Variants in TFDP2 observed in about 807,000 individuals in gnomAD.
TFDP2 encodes transcription factor Dp-2 (E2F dimerization partner 2).
TFDP2 carries 17 observed loss-of-function variants against 59.3 expected under a neutral mutation model. The ratio of observed to expected loss-of-function variants is 0.29; its 90% CI spans 0.20 to 0.43. The LOEUF (loss-of-function observed/expected upper bound fraction) is 0.43. Ranked by LOEUF, TFDP2 falls within the 20% of genes least tolerant of loss-of-function variation. The probability of loss-of-function intolerance (pLI) is 1.00; values close to 1 mark genes in which losing one functional copy is unlikely to be tolerated. For missense variants in TFDP2, 391 were observed against 528.8 expected (o/e 0.74, Z 2.56); for synonymous variants, 180 against 194.7 (o/e 0.92, Z 0.63).
At chr3:142,044,693 C>G (rs918399094) in intron 3 of TFDP2, among the ~76,000 whole-genome samples, 2 of 152,084 alleles carry the variant, frequency 1.3e-5, no homozygotes, top group Admixed American at 6.6e-5. Context: ...TTTTAAAATT[C>G]CAACACAGAA....
At chr3:142,088,704 G>A (rs2060894383) in intron 3 of TFDP2, among the ~76,000 whole-genome samples, 1 of 147,998 alleles carries the variant, frequency 6.8e-6, no homozygotes, top group African/African-American at 2.5e-5. Context: ...TCAAATTCCT[G>A]GACTCAGGAA....
intron 3 of TFDP2, among the ~76,000 whole-genome samples, chr3:142,084,107 A>G (rs927350289): frequency 2.6e-5 from 4 of 152,222 alleles, no homozygotes; most frequent in South Asian, 2.1e-4. Flanking sequence ...TACCCACCTG[A>G]CAAGAGTTTT....
chr3:142,021,061 T>C (rs1945557570), intron 3 of TFDP2, among the ~76,000 whole-genome samples: 1 of 152,192 alleles, frequency 6.6e-6, no homozygotes, highest in Non-Finnish European at 1.5e-5. Context: ...ACCACTGTTA[T>C]GTTTTATTTT....
In TFDP2 at chr3:141,948,609, T is replaced by G. The variant is rs1935528754; in HGVS notation, c.*3904A>C. On this transcript the variant is annotated 3_prime_UTR_variant, in exon 13 of 13. Transcript: ENST00000489671. ...TCTCTCAGTGTGGTTATGGCAGGAA[T>G]AGCTGAGGTAGTTCTCATTCTCTGC... 6.6e-6 allele frequency: 1 copy of G among 151,154 alleles called. No homozygotes were observed. The highest frequency in any genetic ancestry group is 2.4e-5 in the African/African-American group (1 of 41,076). 9.4% of individuals were successfully genotyped at this position (151,154 alleles called of 1,614,324 possible).
chr3:142,071,302 G>A (rs568957957), intron 3 of TFDP2, among the ~76,000 whole-genome samples: 89 of 152,052 alleles, frequency 5.9e-4, no homozygotes, highest in African/African-American at 2.1e-3. Context: ...GATTACAGGC[G>A]CACACCACCG....
chr3:142,139,504 C>T (rs891256613), intron 1 of TFDP2, among the ~76,000 whole-genome samples: 1 of 152,076 alleles, frequency 6.6e-6, no homozygotes, highest in Non-Finnish European at 1.5e-5. Context: ...GTGGCTGGTA[C>T]CGATTGTTCC....
intron 3 of TFDP2, among the ~76,000 whole-genome samples, chr3:142,083,098 T>C (rs1283144025): frequency 6.6e-6 from 1 of 152,156 alleles, no homozygotes; most frequent in South Asian, 2.1e-4. Flanking sequence ...TTGCAGATAA[T>C]ATATTACATT....
rs181180151 is a variant in TFDP2, at chr3:142,018,055, G to T, written c.83-12511C>A. Among the ~76,000 whole-genome samples the T allele has an allele frequency of 2.7e-4, 41 of 152,086 alleles. No individual in the cohort carries two copies. The South Asian group carries it at 7.5e-3, about 28-fold the overall frequency. ...CCTCCTGGGTTCAGGCGATTCTCCT[G>T]CCTCAGCCTCCTGAAGAGCTGGGAT... On this transcript the variant is annotated intron_variant, in intron 3 of 12. Transcript: ENST00000489671.
At chr3:141,960,232 C>T (rs887658696) in intron 10 of TFDP2, among the ~76,000 whole-genome samples, 5 of 152,142 alleles carry the variant, frequency 3.3e-5, no homozygotes, top group African/African-American at 1.2e-4. Flanking sequence ...AGGAAAAAAA[C>T]ATTTTGAATG....
At chr3:142,044,175 C>A in intron 3 of TFDP2, 1 of 485,092 alleles carries the variant, frequency 2.1e-6, no homozygotes, top group Non-Finnish European at 3.8e-6. Context: ...AGGCGAGCCT[C>A]TTCTGAAGCC....
chr3:141,980,076 T>G (rs1377387310), intron 6 of TFDP2, among the ~76,000 whole-genome samples: 2 of 151,688 alleles, frequency 1.3e-5, no homozygotes, highest in Non-Finnish European at 2.9e-5. Context: ...GCCTCGCTAA[T>G]TTCTTTTTTG....
intron 3 of TFDP2, among the ~76,000 whole-genome samples, chr3:142,068,176 G>A (rs2060133208): frequency 6.6e-6 from 1 of 151,946 alleles, no homozygotes; most frequent in Non-Finnish European, 1.5e-5. Flanking sequence ...ATTTAATGGA[G>A]AAAAGAGAGT....
At chr3:142,146,381 T>A (rs2063176090) in intron 1 of TFDP2, among the ~76,000 whole-genome samples, 1 of 152,150 alleles carries the variant, frequency 6.6e-6, no homozygotes, top group Non-Finnish European at 1.5e-5. Context: ...CCATTCTAAA[T>A]GACTTATATA....
intron 4 of TFDP2, among the ~76,000 whole-genome samples, chr3:141,996,613 T>C (rs1315932711): frequency 1.3e-5 from 2 of 152,230 alleles, no homozygotes; most frequent in Non-Finnish European, 2.9e-5. Flanking sequence ...GCTCCATACA[T>C]AACTGAAGGG....
In TFDP2 at chr3:142,015,536, G is replaced by A. The variant is rs995369900; in HGVS notation, c.83-9992C>T. On this transcript the variant is annotated intron_variant, in intron 3 of 12. Transcript: ENST00000489671. The stretch of plus-strand genomic sequence containing the variant: ...CACATTCAATCCATTCATAAGTCCC[G>A]CAAGCTGGATCTTTAAAATACAGCT... 3.3e-5 allele frequency among the ~76,000 whole-genome samples: 5 copies of A among 152,114 alleles called. 1 individual carries two copies. Among genetic ancestry groups the A allele is most frequent in the Admixed American group, 2.6e-4 (4 of 15,272 alleles).
intron 3 of TFDP2, 42 bp from the exon 4 acceptor site, chr3:142,005,586 C>A: frequency 7.0e-7 from 1 of 1,431,698 alleles, no homozygotes; most frequent in South Asian, 1.2e-5. Context: ...TCTGCCATAC[C>A]AAGGCCATTT....
At chr3:142,084,361 C>T (rs2060739518) in intron 3 of TFDP2, among the ~76,000 whole-genome samples, 1 of 152,126 alleles carries the variant, frequency 6.6e-6, no homozygotes, top group African/African-American at 2.4e-5. Flanking sequence ...GAAGGGAACC[C>T]TTGTACGCTG....
chr3:142,074,762 G>C (rs1455893572), intron 3 of TFDP2, among the ~76,000 whole-genome samples: 2 of 152,184 alleles, frequency 1.3e-5, no homozygotes, highest in Non-Finnish European at 2.9e-5. Context: ...TGAGGCATGA[G>C]AATCACTTGA....
At chr3:142,009,569 G>A (rs1274656629) in intron 3 of TFDP2, among the ~76,000 whole-genome samples, 4 of 151,870 alleles carry the variant, frequency 2.6e-5, no homozygotes, top group East Asian at 1.9e-4. Context: ...AAAATTAGCC[G>A]GGCATGGTGG....
Sources: allele counts gnomAD v4.1 joint callset (sites outside exome capture counted in the v4.1 genomes callset), GRCh38; gene constraint gnomAD v4.1.1; transcripts MANE v1.5; gene names NCBI Gene and HGNC (gene_info 2026-07-23, HGNC 2026-07-21).